Variants in GRM8 observed in about 807,000 individuals in gnomAD.
GRM8 encodes glutamate metabotropic receptor 8, also known as metabotropic glutamate receptor 8.
In GRM8, 47 loss-of-function variants were observed where a neutral mutation model predicts 87.2. The observed-to-expected ratio is 0.54, with a 90% CI of 0.43 to 0.69. The LOEUF is 0.69. Ranked by LOEUF, GRM8 falls within the 30% of genes least tolerant of loss-of-function variation. GRM8 has a pLI of 0.00. For synonymous variants in GRM8, 396 were observed against 404.5 expected (o/e 0.98, Z 0.25); for missense variants, 1,019 against 1,139.2 (o/e 0.89, Z 1.52).
chr7:126,488,208 C>A (rs188663126), intron 9 of GRM8, among the ~76,000 whole-genome samples: 364 of 152,028 alleles, frequency 2.4e-3, no homozygotes, highest in Non-Finnish European at 4.1e-3. Context: ...TTCATGGTAG[C>A]GAAGAACAGA....
intron 3 of GRM8, among the ~76,000 whole-genome samples, chr7:126,946,330 C>A (rs1807536035): frequency 6.6e-6 from 1 of 152,108 alleles, no homozygotes; most frequent in Non-Finnish European, 1.5e-5. Flanking sequence ...AGTGAGACCC[C>A]CCCATCTCTA....
chr7:127,009,038 C>T (rs759380609), intron 3 of GRM8, among the ~76,000 whole-genome samples: 1 of 151,788 alleles, frequency 6.6e-6, no homozygotes, highest in African/African-American at 2.4e-5. Flanking sequence ...AGCCACATAA[C>T]TTTTCCTGTA....
intron 2 of GRM8, among the ~76,000 whole-genome samples, chr7:127,145,795 CA>C (rs1006445244): frequency 6.6e-6 from 1 of 151,950 alleles, no homozygotes; most frequent in African/African-American, 2.4e-5. Context: ...CAAAACAGAA[CA>C]AAAACGCAAA....
intron 3 of GRM8, among the ~76,000 whole-genome samples, chr7:127,019,905 A>G (rs1032980168): frequency 6.6e-6 from 1 of 152,070 alleles, no homozygotes; most frequent in African/African-American, 2.4e-5. Context: ...CACCACTGCA[A>G]GCTCTCTGCA....
intron 6 of GRM8, among the ~76,000 whole-genome samples, chr7:126,886,304 C>T (rs1800494215): frequency 1.3e-5 from 2 of 152,118 alleles, no homozygotes; most frequent in Admixed American, 6.6e-5. Context: ...ACATATTTCA[C>T]ACCTCTTACT....
intron 9 of GRM8, among the ~76,000 whole-genome samples, chr7:126,476,758 G>T (rs1266911526): frequency 6.6e-6 from 1 of 151,998 alleles, no homozygotes; most frequent in Non-Finnish European, 1.5e-5. Context: ...TGTTGACAAG[G>T]ATGGGGAGAA....
At chr7:126,455,955 C>A (rs1338471264) in intron 9 of GRM8, among the ~76,000 whole-genome samples, 2 of 151,160 alleles carry the variant, frequency 1.3e-5, no homozygotes, top group Non-Finnish European at 3.0e-5. Flanking sequence ...AGAAGGAAGA[C>A]TGTGGAATTA....
chr7:127,062,117 C>G (rs954148280), intron 3 of GRM8, among the ~76,000 whole-genome samples: 1 of 148,394 alleles, frequency 6.7e-6, no homozygotes, highest in Non-Finnish European at 1.5e-5. Context: ...GCACTCCAGC[C>G]TGGGCAACAG....
intron 8 of GRM8, among the ~76,000 whole-genome samples, chr7:126,599,599 A>G (rs1400023852): frequency 6.6e-6 from 1 of 152,122 alleles, no homozygotes; most frequent in East Asian, 1.9e-4. Context: ...TCTATCAGGC[A>G]TCTAACTACT....
chr7:126,836,694 C>T (rs1043064942), intron 6 of GRM8, among the ~76,000 whole-genome samples: 10 of 152,164 alleles, frequency 6.6e-5, no homozygotes, highest in Non-Finnish European at 1.3e-4. Flanking sequence ...CATTGCCTGC[C>T]CCACATTCTG....
chr7:126,500,435 A>G (rs938504228), intron 9 of GRM8, among the ~76,000 whole-genome samples: 4 of 151,900 alleles, frequency 2.6e-5, no homozygotes, highest in African/African-American at 9.7e-5. Context: ...TTAACCCAAC[A>G]GCAACTTTTG....
chr7:126,480,143 G>T (rs181029280), intron 9 of GRM8, among the ~76,000 whole-genome samples: 6 of 152,240 alleles, frequency 3.9e-5, no homozygotes, highest in Admixed American at 3.9e-4. Flanking sequence ...CCAGCACTTT[G>T]GGAGGCAGAG....
At chr7:126,535,649 G>A (rs767256706) in intron 8 of GRM8, among the ~76,000 whole-genome samples, 3 of 152,184 alleles carry the variant, frequency 2.0e-5, no homozygotes, top group Non-Finnish European at 2.9e-5. Context: ...TCGCTGCCAT[G>A]GAAAGAGGCT....
chr7:126,795,345 T>G (rs1257182461), intron 6 of GRM8, among the ~76,000 whole-genome samples: 2 of 152,144 alleles, frequency 1.3e-5, no homozygotes, highest in Non-Finnish European at 2.9e-5. Flanking sequence ...CTCATTTGTT[T>G]TCCCCAAAAT....
intron 3 of GRM8, among the ~76,000 whole-genome samples, chr7:126,992,436 A>G (rs566321114): frequency 3.9e-5 from 6 of 152,346 alleles, no homozygotes; most frequent in South Asian, 2.1e-4. Flanking sequence ...GTTCAATAGA[A>G]AACAACCATT....
intron 3 of GRM8, chr7:127,090,957 T>G (rs539837194): frequency 6.6e-6 from 1 of 152,378 alleles, no homozygotes; most frequent in South Asian, 2.1e-4. Flanking sequence ...TCAGATTATC[T>G]TCTAGACAGT....
chr7:127,072,277 C>A (rs1821775513), intron 3 of GRM8, among the ~76,000 whole-genome samples: 1 of 152,176 alleles, frequency 6.6e-6, no homozygotes, highest in Non-Finnish European at 1.5e-5. Context: ...CCTATCTGCA[C>A]AAACTCTCCA....
chr7:127,146,745 C>G (rs892039088), intron 2 of GRM8, among the ~76,000 whole-genome samples: 1 of 152,028 alleles, frequency 6.6e-6, no homozygotes, highest in African/African-American at 2.4e-5. Context: ...CCTTCACAAA[C>G]ATCCCTCTGT....
intron 7 of GRM8, among the ~76,000 whole-genome samples, chr7:126,657,754 C>G (rs989010520): frequency 2.0e-5 from 3 of 152,158 alleles, no homozygotes; most frequent in Admixed American, 2.0e-4. Flanking sequence ...GTACTTGAAC[C>G]TTTGAATTCA....
Sources: gnomAD v4.1 joint callset for allele counts (sites outside exome capture counted in the v4.1 genomes callset) on GRCh38, gnomAD v4.1.1 for gene constraint, MANE v1.5 for transcripts, NCBI Gene and HGNC (gene_info 2026-07-23, HGNC 2026-07-21) for gene names.